The following DENND1B variants were observed in gnomAD, a reference collection of about 807,000 sequenced individuals.
DENND1B encodes the protein DENN domain-containing protein 1B.
Under a neutral mutation model 90.1 loss-of-function variants are expected in DENND1B, and 59 were observed. The ratio of observed to expected loss-of-function variants is 0.65; its 90% CI spans 0.53 to 0.81. The LOEUF is 0.81. Ranked by LOEUF, DENND1B falls within the 40% of genes least tolerant of loss-of-function variation. The pLI, the probability that DENND1B is intolerant of heterozygous loss-of-function variation, is 0.00. For missense variants in DENND1B, 862 were observed against 912.6 expected (o/e 0.94, Z 0.71); for synonymous variants, 337 against 324.6 (o/e 1.04, Z -0.41).
chr1:197,590,098 T>C (rs184854937), intron 14 of DENND1B, among the ~76,000 whole-genome samples: 1 of 152,324 alleles, frequency 6.6e-6, no homozygotes, highest in African/African-American at 2.4e-5. Flanking sequence ...TTTAAGGCAG[T>C]GTTTTCCTTT....
rs935714692 is a variant in DENND1B at position 197,626,168 on chromosome 1, A to G, written c.673-8409T>C. Among the ~76,000 whole-genome samples the G allele has an allele frequency of 1.0e-3, 154 of 152,120 alleles. 2 individuals carry two copies. The highest frequency in any genetic ancestry group is 1.8e-3 in the Admixed American group (28 of 15,264). On this transcript the variant is annotated intron_variant, in intron 10 of 22. Coordinates refer to ENST00000620048, the MANE Select transcript of DENND1B (RefSeq NM_001195215.2). ...AATTGAACTCAGCTCTGCACCAAGCAGACCTAATAGACATCTACAGAACTC... is the reference window on the plus strand; with the variant it reads ...AATTGAACTCAGCTCTGCACCAAGCGGACCTAATAGACATCTACAGAACTC...
chr1:197,539,135 C>A (rs4915550), intron 20 of DENND1B, among the ~76,000 whole-genome samples: 23,853 of 152,156 alleles, frequency 0.16, 2,152 homozygotes, highest in Non-Finnish European at 0.2. Flanking sequence ...GCCTGGCTAT[C>A]CAGGAAAGCT....
At position 197,510,665 on chromosome 1, in the gene DENND1B, C is replaced by T. The variant is rs1344960958; in HGVS notation, c.2123G>A (p.Ser708Asn). The change falls in exon 23 of 23, where the codon AGC becomes AAC. Residue 708 changes from serine (S) to asparagine (N), a missense_variant. By Grantham distance (46) the Ser-to-Asn change is conservative (BLOSUM62 1). Coordinates refer to ENST00000620048, the MANE Select transcript of DENND1B (RefSeq NM_001195215.2). ...KGKTEKRETL[S>N]QISDDLLIPG... ...TATAAGCAGATCATCTGAAATCTGGCTTAGTGTTTCCCTCTTTTCTGTTTT... is the reference window on the plus strand; with the variant it reads ...TATAAGCAGATCATCTGAAATCTGGTTTAGTGTTTCCCTCTTTTCTGTTTT... 2 of 1,612,754 alleles carry T rather than the reference C, an allele frequency of 1.2e-6. No homozygotes were observed. Among genetic ancestry groups the T allele is most frequent in the African/African-American group, 2.7e-5 (2 of 74,912 alleles).
intron 10 of DENND1B, among the ~76,000 whole-genome samples, chr1:197,627,005 A>G (rs541564544): frequency 1.3e-5 from 2 of 152,282 alleles, no homozygotes; most frequent in African/African-American, 4.8e-5. Flanking sequence ...GAATAGACCA[A>G]TAACAGGATC....
At chr1:197,759,244 C>T (rs951761449) in intron 2 of DENND1B, among the ~76,000 whole-genome samples, 7 of 151,358 alleles carry the variant, frequency 4.6e-5, no homozygotes, top group Non-Finnish European at 8.8e-5. Flanking sequence ...GCTGGGATTA[C>T]AGGTGTGAGC....
At chr1:197,770,557 G>A (rs1387075619) in intron 2 of DENND1B, among the ~76,000 whole-genome samples, 1 of 150,120 alleles carries the variant, frequency 6.7e-6, no homozygotes, top group Non-Finnish European at 1.5e-5. Flanking sequence ...TTTAAAATTA[G>A]AGAATCCATA....
chr1:197,504,974 T>A lies in DENND1B; in HGVS notation c.*5486A>T, dbSNP rs1368446351. The A allele has an allele frequency of 2.6e-5, 4 of 151,928 alleles. No homozygotes were observed. Among genetic ancestry groups the A allele is most frequent in the African/African-American group, 7.2e-5 (3 of 41,506 alleles). The allele number at this position is 151,928 out of a possible 1,614,324, so 9.4% of individuals were successfully genotyped here. On this transcript the variant is annotated 3_prime_UTR_variant, in exon 23 of 23. Coordinates refer to ENST00000620048, the MANE Select transcript of DENND1B (RefSeq NM_001195215.2). ...AATTCTGGGTAGGTTTTTACAGATA[T>A]CTGCTACCAAGACGAGCAAAAAGCT... is the stretch of plus-strand genomic sequence containing the variant.
At chr1:197,610,715 T>C (rs1677108505) in intron 12 of DENND1B, among the ~76,000 whole-genome samples, 2 of 150,854 alleles carry the variant, frequency 1.3e-5, no homozygotes, top group Non-Finnish European at 3.0e-5. Flanking sequence ...ACCTACTCAT[T>C]CATATTTTAT....
In DENND1B at chr1:197,545,952, T is replaced by C. The variant is rs1353329229; in HGVS notation, c.1320A>G (p.Ala440=). The C allele has an allele frequency of 1.2e-6, 2 of 1,607,620 alleles. No homozygotes were observed. Among genetic ancestry groups the C allele is most frequent in the South Asian group, 2.2e-5 (2 of 88,904 alleles). ...GALFNTAMTK[A]TPAVRTAYKF... Reference sequence around the variant, plus strand: ...TATATGCTGTCCGTACAGCAGGGGTTGCTTTGGTCATTGCTGTGTTGAACA... The same window carrying C: ...TATATGCTGTCCGTACAGCAGGGGTCGCTTTGGTCATTGCTGTGTTGAACA... Residue 440 remains alanine, a synonymous_variant, in exon 18 of 23, where the codon GCA becomes GCG. Transcript: ENST00000620048.
intron 15 of DENND1B, among the ~76,000 whole-genome samples, chr1:197,571,683 T>A (rs974392524): frequency 1.3e-5 from 2 of 152,184 alleles, no homozygotes; most frequent in African/African-American, 4.8e-5. Context: ...AACAGAAGGC[T>A]ACACATCTCT....
chr1:197,663,931 T>C (rs531944860), intron 5 of DENND1B, among the ~76,000 whole-genome samples: 35 of 152,116 alleles, frequency 2.3e-4, no homozygotes, highest in African/African-American at 7.7e-4. Flanking sequence ...ATTTTAACTA[T>C]ACTCTAAGTA....
chr1:197,683,526 A>C (rs1656907895), intron 3 of DENND1B, among the ~76,000 whole-genome samples: 1 of 152,172 alleles, frequency 6.6e-6, no homozygotes, highest in South Asian at 2.1e-4. Flanking sequence ...CAGAGGAGTA[A>C]AAACGGAGAC....
chr1:197,769,008 A>G lies in DENND1B; in HGVS notation c.82+3860T>C, dbSNP rs77193885. On this transcript the variant is annotated intron_variant, in intron 2 of 22. Transcript: ENST00000620048. ...CACACTGTTAACTAAAATTTAATTAACAACCTGTCTCTGAAGATACTTATC... is the reference window on the plus strand; with the variant it reads ...CACACTGTTAACTAAAATTTAATTAGCAACCTGTCTCTGAAGATACTTATC... Among the ~76,000 whole-genome samples, 1,283 of 152,332 alleles carry G rather than the reference A, an allele frequency of 8.4e-3. 17 individuals carry two copies. Among genetic ancestry groups the G allele is most frequent in the African/African-American group, 0.028 (1,172 of 41,574 alleles).
At chr1:197,655,625 G>A (rs923029608) in intron 6 of DENND1B, among the ~76,000 whole-genome samples, 4 of 151,560 alleles carry the variant, frequency 2.6e-5, no homozygotes, top group Non-Finnish European at 4.4e-5. Context: ...TCCGCCTCCC[G>A]GGTTCATGCC....
At chr1:197,594,362 T>C (rs1043897007) in intron 14 of DENND1B, among the ~76,000 whole-genome samples, 3 of 152,102 alleles carry the variant, frequency 2.0e-5, no homozygotes, top group Admixed American at 2.0e-4. Context: ...TCCTGAAAGA[T>C]AGAGGGGGAA....
intron 15 of DENND1B, among the ~76,000 whole-genome samples, chr1:197,566,516 C>T (rs1304511061): frequency 6.6e-6 from 1 of 152,024 alleles, no homozygotes; most frequent in African/African-American, 2.4e-5. Context: ...TTTCATACAG[C>T]TCTTAGATAA....
At chr1:197,649,424 C>T (rs1178485708) in intron 7 of DENND1B, among the ~76,000 whole-genome samples, 1 of 152,056 alleles carries the variant, frequency 6.6e-6, no homozygotes. Flanking sequence ...AGGTGCTAAC[C>T]ACCTTAGTCT....
intron 2 of DENND1B, chr1:197,734,650 T>C: frequency 1.0e-6 from 1 of 985,000 alleles, no homozygotes; most frequent in Non-Finnish European, 1.2e-6. Context: ...ATCAGAATAG[T>C]TCAAAACCCT....
At chr1:197,674,923 T>C (rs1250855633) in intron 3 of DENND1B, among the ~76,000 whole-genome samples, 1 of 152,080 alleles carries the variant, frequency 6.6e-6, no homozygotes, top group Non-Finnish European at 1.5e-5. Context: ...TAAAAATAAT[T>C]TCAAAATCTT....
Sources: gnomAD v4.1 joint callset for allele counts (sites outside exome capture counted in the v4.1 genomes callset) on GRCh38, gnomAD v4.1.1 for gene constraint, MANE v1.5 for transcripts, NCBI Gene and HGNC (gene_info 2026-07-23, HGNC 2026-07-21) for gene names.